GAA: variants seen among roughly 807,000 people sequenced by gnomAD.
The protein encoded by GAA is lysosomal alpha-glucosidase.
In GAA, 88 loss-of-function variants were observed where a neutral mutation model predicts 103.9. The ratio of observed to expected loss-of-function variants is 0.85; its 90% CI spans 0.71 to 1.01. The LOEUF (loss-of-function observed/expected upper bound fraction) is 1.01. Among genes scored for constraint, GAA ranks in the 50% least tolerant of loss-of-function variants. The probability of loss-of-function intolerance (pLI) is 0.00; values close to 1 mark genes in which losing one functional copy is unlikely to be tolerated. For missense variants in GAA, 1,350 were observed against 1,305.3 expected (o/e 1.03, Z -0.53); for synonymous variants, 572 against 563.1 (o/e 1.02, Z -0.22).
intron 8 of GAA, among the ~76,000 whole-genome samples, chr17:80,109,236 A>G (rs1175378940): frequency 6.6e-6 from 1 of 152,188 alleles, no homozygotes; most frequent in East Asian, 1.9e-4. Context: ...ATCCCTGGAA[A>G]GGACGGCGTG....
intron 3 of GAA, 91 bp downstream of exon 3, chr17:80,105,985 G>A (rs55784272): frequency 8.5e-5 from 126 of 1,475,296 alleles, no homozygotes; most frequent in Admixed American, 1.2e-4. Flanking sequence ...TTTCTCACAC[G>A]ATGGGCAGGG....
At position 80,104,744 on chromosome 17, in the gene GAA, A is replaced by G. The variant is rs780554430; in HGVS notation, c.158A>G (p.His53Arg). ...TCCTCCCCAGTCCTGGAGGAGACTC[A>G]CCCAGCTCACCAGCAGGGAGCCAGC... is the stretch of plus-strand genomic sequence containing the variant. ...SGSSPVLEET[H>R]PAHQQGASRP... is the part of the protein sequence containing the mutation. Residue 53 changes from histidine to arginine, a missense_variant, in exon 2 of 20, where the codon CAC becomes CGC. Physicochemically the swap from His to Arg is conservative, Grantham distance 29. Coordinates refer to ENST00000302262, the MANE Select transcript of GAA (RefSeq NM_000152.5). The surrounding 1 kb of genome is among the most constrained non-coding windows in gnomAD (Gnocchi z 4.0). 10 of 1,610,734 alleles carry G rather than the reference A, an allele frequency of 6.2e-6. No homozygotes were observed. The highest frequency in any genetic ancestry group is 2.5e-6 in the Non-Finnish European group (3 of 1,179,164).
At position 80,108,291 on chromosome 17, in the gene GAA, T is replaced by C; in HGVS notation, c.957T>C (p.Asp319=). Residue 319 remains aspartate (D), a splice_region_variant and synonymous_variant, in exon 6 of 20, where the codon GAT becomes GAC. Transcript: ENST00000302262. The part of the protein sequence containing the change: ...GVFLLNSNAM[D]VVLQPSPALS... ...ACCCCAGAGCTGCTTCCCTTCCAGATGTGGTCCTGCAGCCGAGCCCTGCCC... is the reference window on the plus strand; with the variant it reads ...ACCCCAGAGCTGCTTCCCTTCCAGACGTGGTCCTGCAGCCGAGCCCTGCCC... 6.2e-7 allele frequency: 1 copy of C among 1,613,536 alleles called. No individual in the cohort carries two copies. The highest frequency in any genetic ancestry group is 8.5e-7 in the Non-Finnish European group (1 of 1,180,000).
At chr17:80,118,839 C>A (rs776094942) in intron 19 of GAA, 34 bp downstream of exon 19, 2 of 1,610,426 alleles carry the variant, frequency 1.2e-6, no homozygotes, top group Admixed American at 1.7e-5. Flanking sequence ...GGGATCGCGT[C>A]CCCCAGCCGT....
chr17:80,112,568 A>G lies in GAA; in HGVS notation c.1755-10A>G. On this transcript the variant is annotated splice_polypyrimidine_tract_variant and intron_variant, in intron 12 of 19. Transcript: ENST00000302262. ...CCACACAGCCCTCACGGTGTCCCCC[A>G]CCACCCCAGGGCGCTGGTGAAGGCT... 1 of 1,612,812 alleles carries G rather than the reference A, an allele frequency of 6.2e-7. No homozygotes were observed. Among genetic ancestry groups the G allele is most frequent in the Non-Finnish European group, 8.5e-7 (1 of 1,179,880 alleles).
chr17:80,110,542 C>T (rs1267439545), intron 9 of GAA, among the ~76,000 whole-genome samples, 185 bp from the exon 10 acceptor site: 3 of 152,234 alleles, frequency 2.0e-5, no homozygotes, highest in Non-Finnish European at 4.4e-5. Context: ...CCCCTTGGCC[C>T]CGCATCAGTG....
rs1386019957 is a variant in GAA at position 80,105,760 on chromosome 17, A to G, written c.558A>G (p.Pro186=). ...CCCATCTCTTCTAGATCAAAGATCC[A>G]GCTAACAGGCGCTACGAGGTGCCCT... ...ENRLHFTIKD[P]ANRRYEVPLE... Residue 186 remains proline, a synonymous_variant, in exon 3 of 20, where the codon CCA becomes CCG. Transcript: ENST00000302262. The G allele has an allele frequency of 1.2e-6, 2 of 1,612,296 alleles. No homozygotes were observed. Among genetic ancestry groups the G allele is most frequent in the South Asian group, 1.1e-5 (1 of 91,082 alleles).
intron 11 of GAA, 93 bp downstream of exon 11, chr17:80,111,118 C>A: frequency 7.7e-6 from 9 of 1,176,172 alleles, no homozygotes; most frequent in Middle Eastern, 2.0e-4. Flanking sequence ...CTCTGAGAAG[C>A]AGATGGGCCA....
At position 80,119,259 on chromosome 17, in the gene GAA, C is replaced by G; in HGVS notation, c.2800-13C>G. 6.2e-7 allele frequency: 1 copy of G among 1,613,588 alleles called. No homozygotes were observed. Among genetic ancestry groups the G allele is most frequent in the Non-Finnish European group, 8.5e-7 (1 of 1,179,708 alleles). ...GATCTCGGGCTGCTCCATTTGTGCT[C>G]TCTCTTTTCCAGGTCCTGGACATCT... On this transcript the variant is annotated splice_polypyrimidine_tract_variant and intron_variant, in intron 19 of 19. Transcript: ENST00000302262.
intron 1 of GAA, among the ~76,000 whole-genome samples, chr17:80,103,169 A>G (rs531086021): frequency 4.6e-5 from 7 of 152,330 alleles, no homozygotes; most frequent in Non-Finnish European, 1.0e-4. Flanking sequence ...TCTTCCTGGT[A>G]TGTGACCAGC....
chr17:80,116,879 G>T (rs1158289343), intron 15 of GAA, 89 bp from the exon 16 acceptor site: 1 of 1,473,298 alleles, frequency 6.8e-7, no homozygotes, highest in African/African-American at 1.4e-5. Flanking sequence ...GCAGAATTCA[G>T]CCTCTTCCTG....
intron 15 of GAA, among the ~76,000 whole-genome samples, chr17:80,113,812 A>G (rs1451254487): frequency 6.6e-6 from 1 of 152,158 alleles, no homozygotes; most frequent in Non-Finnish European, 1.5e-5. Context: ...TGAGGTCAAG[A>G]GTTCGAGGCC....
chr17:80,115,613 C>T (rs1251211131), intron 15 of GAA, among the ~76,000 whole-genome samples: 1 of 152,198 alleles, frequency 6.6e-6, no homozygotes, highest in Non-Finnish European at 1.5e-5. Flanking sequence ...GTCCCCCCAT[C>T]TGTGGGCCAT....
chr17:80,118,221 G>A lies in GAA; in HGVS notation c.2510G>A (p.Arg837His), dbSNP rs746095374. The change falls in exon 18 of 20, where the codon CGC becomes CAC. Residue 837 changes from arginine (R) to histidine (H), a missense_variant. Physicochemically the swap from Arg to His is conservative, Grantham distance 29. Coordinates refer to ENST00000302262, the MANE Select transcript of GAA (RefSeq NM_000152.5). Reference sequence around the variant, plus strand: ...CCTGGCCTCACAACCACAGAGTCCCGCCAGCAGCCCATGGCCCTGGCTGTG... The same window carrying A: ...CCTGGCCTCACAACCACAGAGTCCCACCAGCAGCCCATGGCCCTGGCTGTG... ...QGPGLTTTES[R>H]QQPMALAVAL... 1.7e-5 allele frequency: 27 copies of A among 1,612,900 alleles called. No individual in the cohort carries two copies. Among genetic ancestry groups the A allele is most frequent in the African/African-American group, 1.6e-4 (12 of 74,894 alleles).
At chr17:80,118,443 C>T (rs982999363) in intron 18 of GAA, 86 bp downstream of exon 18, 28 of 1,502,286 alleles carry the variant, frequency 1.9e-5, no homozygotes, top group Admixed American at 3.6e-5. Flanking sequence ...GGGGGTCCCA[C>T]GATGGCTACC....
At position 80,112,033 on chromosome 17, in the gene GAA, C is replaced by G; in HGVS notation, c.1687C>G (p.Gln563Glu). The stretch of plus-strand genomic sequence containing the variant: ...GGCCACCATCTGTGCCTCCAGCCAC[C>G]AGTTTCTCTCCACACACTACAACCT... Reference protein sequence around the residue: ...QAATICASSHQFLSTHYNLHN... With the variant: ...QAATICASSHEFLSTHYNLHN... Residue 563 changes from glutamine (Q) to glutamate (E), a missense_variant, in exon 12 of 20, where the codon CAG (glutamine) becomes GAG (glutamate). Transcript: ENST00000302262. 1 of 1,614,052 alleles carries G rather than the reference C, an allele frequency of 6.2e-7. No individual in the cohort carries two copies. The highest frequency in any genetic ancestry group is 1.1e-5 in the South Asian group (1 of 91,092).
At chr17:80,112,331 G>C in intron 12 of GAA, 2 of 640,656 alleles carry the variant, frequency 3.1e-6, no homozygotes, top group Non-Finnish European at 5.5e-6. Flanking sequence ...ATGCTGACAG[G>C]AGTCTGCATC....
rs759508507 is a variant in GAA, at chr17:80,107,901, G to C, written c.955+5G>C. On this transcript the variant is annotated splice_donor_5th_base_variant and intron_variant, in intron 5 of 19. Transcript: ENST00000302262. ...TGCTAAACAGCAATGCCATGGGTAA[G>C]CTGCCCGCCGCCCAGCGCCCGGGCC... 4.4e-6 allele frequency: 7 copies of C among 1,601,112 alleles called. No individual in the cohort carries two copies. The Admixed American group carries it at 1.2e-4, about 28-fold the overall frequency.
chr17:80,110,719 T>A lies in GAA; in HGVS notation c.1438-8T>A. 1 of 1,613,296 alleles carries A rather than the reference T, an allele frequency of 6.2e-7. No homozygotes were observed. The highest frequency in any genetic ancestry group is 8.5e-7 in the Non-Finnish European group (1 of 1,179,598). ...CGGGTCTCCCCACTGCAGCCTCTCGTTGTCCAGGTATGGCCCGGGTCCACT... is the reference window on the plus strand; with the variant it reads ...CGGGTCTCCCCACTGCAGCCTCTCGATGTCCAGGTATGGCCCGGGTCCACT... On this transcript the variant is annotated splice_polypyrimidine_tract_variant and splice_region_variant and intron_variant, in intron 9 of 19. Coordinates refer to ENST00000302262, the MANE Select transcript of GAA (RefSeq NM_000152.5).
Sources: allele counts gnomAD v4.1 joint callset (sites outside exome capture counted in the v4.1 genomes callset), GRCh38; gene constraint gnomAD v4.1.1; non-coding constraint Gnocchi (gnomAD v3.1); transcripts MANE v1.5; gene names NCBI Gene and HGNC (gene_info 2026-07-23, HGNC 2026-07-21).